Variants in CATSPERG observed in about 807,000 individuals in gnomAD.
CATSPERG encodes catsper channel auxiliary subunit gamma.
A neutral mutation model predicts 145.0 loss-of-function variants in CATSPERG; 115 were observed. The observed-to-expected ratio is 0.79, with a 90% CI of 0.68 to 0.93. The LOEUF is 0.93. Among genes scored for constraint, CATSPERG ranks in the 40% least tolerant of loss-of-function variants. CATSPERG has a pLI of 0.00. For missense variants in CATSPERG, 1,296 were observed against 1,490.1 expected (o/e 0.87, Z 2.14); for synonymous variants, 588 against 589.0 (o/e 1.00, Z 0.02).
At chr19:38,364,239 C>T (rs928264665) in intron 20 of CATSPERG, among the ~76,000 whole-genome samples, 6 of 152,138 alleles carry the variant, frequency 3.9e-5, no homozygotes, top group Admixed American at 3.9e-4. Flanking sequence ...CTCCTCATTT[C>T]TCAGACGGGG....
intron 1 of CATSPERG, chr19:38,336,409 G>GGAAC (rs112867468): frequency 0.029 from 10,168 of 350,402 alleles, 229 homozygotes; most frequent in South Asian, 0.046. Context: ...ACCCGGGGAA[G>GGAAC]GAACGGGTCC....
chr19:38,351,871 C>G (rs1014859299), intron 7 of CATSPERG, among the ~76,000 whole-genome samples: 1 of 152,112 alleles, frequency 6.6e-6, no homozygotes, highest in African/African-American at 2.4e-5. Flanking sequence ...ATGATCATAC[C>G]ACTCCAGCCT....
Position 38,370,740 on chromosome 19 carries a change from C to G in CATSPERG, c.3428C>G (p.Thr1143Arg). 1 of 1,614,094 alleles carries G rather than the reference C, an allele frequency of 6.2e-7. No individual in the cohort carries two copies. The highest frequency in any genetic ancestry group is 1.1e-5 in the South Asian group (1 of 91,084). Residue 1143 changes from threonine to arginine, a missense_variant, in exon 29 of 29, where the codon ACA becomes AGA. Physicochemically the swap from Thr to Arg is moderately conservative, Grantham distance 71. Coordinates refer to ENST00000409235, the MANE Select transcript of CATSPERG (RefSeq NM_021185.5). ...RMGSMFSSRM[T>R]EDRAEPKEAV... The stretch of plus-strand genomic sequence containing the variant: ...GGCTCCATGTTCAGCTCCAGGATGA[C>G]AGAGGACAGGGCTGAACCCAAGGAA...
rs1970522827 is a variant in CATSPERG at position 38,370,236 on chromosome 19, A to G, written c.3191A>G (p.Lys1064Arg). Residue 1064 changes from lysine to arginine, a missense_variant, in exon 28 of 29, where the codon AAG (lysine) becomes AGG (arginine). Transcript: ENST00000409235. ...ATCCACGGGCTGCCACTCAGTCCCAAGCGGGCCCTTTTCATCATCATGGTG... is the reference window on the plus strand; with the variant it reads ...ATCCACGGGCTGCCACTCAGTCCCAGGCGGGCCCTTTTCATCATCATGGTG... ...LHIHGLPLSP[K>R]RALFIIMVSA... is the part of the protein sequence containing the mutation. 6.2e-7 allele frequency: 1 copy of G among 1,613,592 alleles called. No homozygotes were observed. Among genetic ancestry groups the G allele is most frequent in the Non-Finnish European group, 8.5e-7 (1 of 1,180,022 alleles).
intron 3 of CATSPERG, among the ~76,000 whole-genome samples, chr19:38,339,246 A>G (rs1294874554): frequency 6.7e-6 from 1 of 149,442 alleles, no homozygotes; most frequent in Non-Finnish European, 1.5e-5. Context: ...GATACAATCA[A>G]TCCTGGGAGC....
Position 38,337,505 on chromosome 19 carries a change from G to A in CATSPERG, c.270+1G>A, listed in dbSNP as rs1334985158. 6.4e-7 allele frequency: 1 copy of A among 1,552,102 alleles called. No individual in the cohort carries two copies. The highest frequency in any genetic ancestry group is 8.7e-7 in the Non-Finnish European group (1 of 1,147,086). ...GGACTCACCCATCGACCCGAGCGAG[G>A]TGAGGGGACCAGGGTCAAGTGAACC... On this transcript the variant is annotated splice_donor_variant, in intron 2 of 28. Coordinates refer to ENST00000409235, the MANE Select transcript of CATSPERG (RefSeq NM_021185.5). LOFTEE classifies it high-confidence loss of function.
intron 19 of CATSPERG, 43 bp from the exon 20 acceptor site, chr19:38,362,671 T>C: frequency 6.2e-7 from 1 of 1,607,656 alleles, no homozygotes; most frequent in Non-Finnish European, 8.5e-7. Context: ...GGGCGGGGCC[T>C]GTCTGTGAGG....
intron 3 of CATSPERG, among the ~76,000 whole-genome samples, chr19:38,341,503 C>T (rs1052586046): frequency 6.6e-6 from 1 of 152,146 alleles, no homozygotes; most frequent in Non-Finnish European, 1.5e-5. Context: ...GTGGCTCATA[C>T]CTATAATCCC....
At chr19:38,337,895 T>A (rs546429575) in intron 3 of CATSPERG, 57 of 352,632 alleles carry the variant, frequency 1.6e-4, no homozygotes, top group Non-Finnish European at 2.3e-4. Context: ...ATTTTTGTAT[T>A]TGGTAGAGAC....
At chr19:38,362,121 G>C (rs1351711137) in intron 17 of CATSPERG, 89 bp from the exon 18 acceptor site, 1 of 1,413,322 alleles carries the variant, frequency 7.1e-7, no homozygotes, top group Non-Finnish European at 9.8e-7. Flanking sequence ...GGCTGGCTTT[G>C]AGGCTAGGAG....
At chr19:38,358,613 A>G in intron 13 of CATSPERG, 52 bp downstream of exon 13, 1 of 1,608,720 alleles carries the variant, frequency 6.2e-7, no homozygotes, top group Non-Finnish European at 8.5e-7. Flanking sequence ...CTCCCCAGCA[A>G]CTTTACGGTG....
At chr19:38,358,153 C>A in intron 11 of CATSPERG, 125 bp from the exon 12 acceptor site, 1 of 876,054 alleles carries the variant, frequency 1.1e-6, no homozygotes, top group Non-Finnish European at 1.8e-6. Context: ...TAAGGACTAG[C>A]AAACCCGAGT....
intron 5 of CATSPERG, 37 bp downstream of exon 5, chr19:38,344,156 G>T: frequency 6.4e-7 from 1 of 1,550,656 alleles, no homozygotes; most frequent in Non-Finnish European, 8.7e-7. Context: ...GGTGGACTCC[G>T]GGGGAATTCC....
In CATSPERG at chr19:38,337,326, C is replaced by T; in HGVS notation, c.92C>T (p.Ala31Val). Residue 31 changes from alanine (A) to valine (V), a missense_variant, in exon 2 of 29, where the codon GCG becomes GTG. By Grantham distance (64) the Ala-to-Val change is moderately conservative. Coordinates refer to ENST00000409235, the MANE Select transcript of CATSPERG (RefSeq NM_021185.5). Reference sequence around the variant, plus strand: ...TGGGCCCTGCTGGCAGTGCTCCTGGCGTCGTGGAGGCTGTGGGCGATCAAG... The same window carrying T: ...TGGGCCCTGCTGGCAGTGCTCCTGGTGTCGTGGAGGCTGTGGGCGATCAAG... ...VLWALLAVLL[A>V]SWRLWAIKDF... 1.3e-6 allele frequency: 2 copies of T among 1,551,358 alleles called. No individual in the cohort carries two copies. Among genetic ancestry groups the T allele is most frequent in the Non-Finnish European group, 1.7e-6 (2 of 1,146,954 alleles).
In CATSPERG at chr19:38,370,900, A is replaced by G; in HGVS notation, c.*108A>G. 7.9e-7 allele frequency: 1 copy of G among 1,259,704 alleles called. No individual in the cohort carries two copies. The highest frequency in any genetic ancestry group is 2.3e-5 in the East Asian group (1 of 42,870). The allele number at this position is 1,259,704 out of a possible 1,614,324, so 78.0% of individuals were successfully genotyped here. A position where few individuals can be genotyped will look rare whatever the true frequency, so the allele number is the denominator to read the frequency against. On this transcript the variant is annotated 3_prime_UTR_variant, in exon 29 of 29. Transcript: ENST00000409235. ...CAGGCCTCTCTTTCTGTTTTGCTTG[A>G]TGTTTACTTCTCGTTCAGACTCAAA...
intron 8 of CATSPERG, among the ~76,000 whole-genome samples, chr19:38,354,410 G>T (rs954750885): frequency 9.2e-5 from 14 of 152,160 alleles, no homozygotes; most frequent in African/African-American, 3.1e-4. Flanking sequence ...ATCTTGTTGC[G>T]GATTGCAAGC....
rs1296963596 is a variant in CATSPERG, at chr19:38,353,902, G to A, written c.998-808G>A. 1.9e-4 allele frequency among the ~76,000 whole-genome samples: 25 copies of A among 132,240 alleles called. No individual in the cohort carries two copies. The Admixed American group carries it at 2.0e-3, about 11-fold the overall frequency. The allele number at this position is 132,240 out of a possible 152,430, so 86.8% of individuals were successfully genotyped here. A position where few individuals can be genotyped will look rare whatever the true frequency, so the allele number is the denominator to read the frequency against. ...AGCTTCTCAGGAGGCTGAGGCAGAA[G>A]AATTGCTTGAACCCAGGAGGCGGGG... On this transcript the variant is annotated intron_variant, in intron 8 of 28. Transcript: ENST00000409235.
intron 1 of CATSPERG, among the ~76,000 whole-genome samples, chr19:38,336,835 G>A (rs1347785981): frequency 1.3e-5 from 2 of 151,812 alleles, no homozygotes; most frequent in African/African-American, 4.8e-5. Context: ...AGGAAGAGAC[G>A]TGGAGGCGGC....
intron 22 of CATSPERG, 172 bp downstream of exon 22, chr19:38,365,289 T>C: frequency 1.6e-6 from 1 of 627,918 alleles, no homozygotes; most frequent in Non-Finnish European, 2.8e-6. Context: ...TCATTCTTTT[T>C]TCTTTAAGAC....
Sources: allele counts gnomAD v4.1 joint callset (sites outside exome capture counted in the v4.1 genomes callset), GRCh38; gene constraint gnomAD v4.1.1; transcripts MANE v1.5; gene names NCBI Gene and HGNC (gene_info 2026-07-23, HGNC 2026-07-21).